RIMBP2: variants seen among roughly 807,000 people sequenced by gnomAD.
The protein encoded by RIMBP2 is RIMS-binding protein 2.
Under a neutral mutation model 118.6 loss-of-function variants are expected in RIMBP2, and 48 were observed. That is an observed-to-expected ratio of 0.40 (90% CI 0.32 to 0.51). The LOEUF (loss-of-function observed/expected upper bound fraction) is 0.51. Among genes scored for constraint, RIMBP2 ranks in the 20% least tolerant of loss-of-function variants. The probability of loss-of-function intolerance (pLI) is 0.41; values close to 1 mark genes in which losing one functional copy is unlikely to be tolerated. For missense variants in RIMBP2, 1,551 were observed against 1,768.3 expected (o/e 0.88, Z 2.20); for synonymous variants, 762 against 742.9 (o/e 1.03, Z -0.42).
At chr12:130,545,418 A>T in intron 2 of RIMBP2, among the ~76,000 whole-genome samples, 1 of 46,138 alleles carries the variant, frequency 2.2e-5, no homozygotes, top group East Asian at 2.9e-3. Flanking sequence ...GATAAATTAT[A>T]ACATTATAAA....
intron 3 of RIMBP2, among the ~76,000 whole-genome samples, chr12:130,510,264 T>G (rs975925427): frequency 4.6e-5 from 7 of 152,224 alleles, no homozygotes; most frequent in African/African-American, 9.6e-5. Context: ...GAGCTAAATT[T>G]AATACGGTAG....
chr12:130,564,427 T>G (rs1447712953), intron 2 of RIMBP2, among the ~76,000 whole-genome samples: 1 of 152,148 alleles, frequency 6.6e-6, no homozygotes, highest in Non-Finnish European at 1.5e-5. Context: ...AACATACAAT[T>G]AACTATTTTA....
At chr12:130,666,678 G>A (rs188536407) in intron 1 of RIMBP2, among the ~76,000 whole-genome samples, 6 of 149,948 alleles carry the variant, frequency 4.0e-5, no homozygotes, top group Non-Finnish European at 7.4e-5. Flanking sequence ...GAGGAAAGAG[G>A]GAAGGACAAG....
chr12:130,642,482 G>T (rs537754223), intron 1 of RIMBP2, among the ~76,000 whole-genome samples: 2 of 152,020 alleles, frequency 1.3e-5, no homozygotes, highest in African/African-American at 4.8e-5. Context: ...ACGGGGTGTC[G>T]CCATGTTGGC....
rs1303395492 is a variant in RIMBP2 at position 130,456,788 on chromosome 12, CACATGTGCACTGTGTGCACGTGTGT to C, written c.154-113_154-89del. 5 of 1,000,764 alleles carry C rather than the reference CACATGTGCACTGTGTGCACGTGTGT, an allele frequency of 5.0e-6. No individual in the cohort carries two copies. In the African/African-American group the frequency reaches 8.0e-5, roughly 16 times the overall value. The allele number at this position is 1,000,764 out of a possible 1,614,324, so 62.0% of individuals were successfully genotyped here. Reference sequence around the variant, plus strand: ...CCTGTTCACATGTGTTGTACGTGTGCACATGTGCACTGTGTGCACGTGTGTACACACGTGTTGTGTCTGTGAAAAT... The same window carrying C: ...CCTGTTCACATGTGTTGTACGTGTGCACACACGTGTTGTGTCTGTGAAAAT... On this transcript the variant is annotated intron_variant, in intron 6 of 22. Transcript: ENST00000690449.
chr12:130,591,846 C>A (rs1314371001), intron 2 of RIMBP2, among the ~76,000 whole-genome samples: 2 of 152,210 alleles, frequency 1.3e-5, no homozygotes, highest in Non-Finnish European at 2.9e-5. Context: ...ACCATCCAAC[C>A]CCAGATAGAG....
chr12:130,530,701 C>CT (rs1380400029), intron 2 of RIMBP2, among the ~76,000 whole-genome samples: 3 of 152,088 alleles, frequency 2.0e-5, no homozygotes, highest in Non-Finnish European at 2.9e-5. Context: ...ATTTGATTGC[C>CT]TTTTTTTAAA....
intron 1 of RIMBP2, among the ~76,000 whole-genome samples, chr12:130,663,394 T>C (rs1481759840): frequency 6.8e-6 from 1 of 148,104 alleles, no homozygotes; most frequent in African/African-American, 2.7e-5. Context: ...AAAATAGTGA[T>C]TTCAACTAGG....
At chr12:130,690,677 G>C (rs1245342828) in intron 1 of RIMBP2, among the ~76,000 whole-genome samples, 1 of 152,144 alleles carries the variant, frequency 6.6e-6, no homozygotes, top group Non-Finnish European at 1.5e-5. Flanking sequence ...CTAGCAGTGA[G>C]TCCACCAACT....
Position 130,576,698 on chromosome 12 carries a change from T to G in RIMBP2, c.-217+51624A>C, listed in dbSNP as rs531137792. Among the ~76,000 whole-genome samples the G allele has an allele frequency of 1.1e-4, 16 of 152,274 alleles. No homozygotes were observed. Among genetic ancestry groups the G allele is most frequent in the African/African-American group, 3.6e-4 (15 of 41,568 alleles). On this transcript the variant is annotated intron_variant, in intron 2 of 22. Transcript: ENST00000690449. The surrounding 1 kb of genome is among the most constrained non-coding windows in gnomAD (Gnocchi z 4.2). ...ACGGCAGGGAGTCCTTAGCACAAAC[T>G]GCCAGCAGCAGCGAGGAGGAGCCCC...
At chr12:130,514,937 C>T (rs1028914074) in intron 3 of RIMBP2, among the ~76,000 whole-genome samples, 3 of 152,026 alleles carry the variant, frequency 2.0e-5, no homozygotes, top group Non-Finnish European at 2.9e-5. Flanking sequence ...AGTGCAGTGG[C>T]GTGATCTCCG....
Position 130,614,650 on chromosome 12 carries a change from C to T in RIMBP2, c.-217+13672G>A, listed in dbSNP as rs367700613. ...ATGAAGATCTTTAGCATAGCAGTGACGGGGCAAAGAAAAAAGGGGAAATCT... is the reference window on the plus strand; with the variant it reads ...ATGAAGATCTTTAGCATAGCAGTGATGGGGCAAAGAAAAAAGGGGAAATCT... On this transcript the variant is annotated intron_variant, in intron 2 of 22. Coordinates refer to ENST00000690449, the MANE Select transcript of RIMBP2 (RefSeq NM_001393629.1). Among the ~76,000 whole-genome samples, 53 of 151,872 alleles carry T rather than the reference C, an allele frequency of 3.5e-4. 1 individual carries two copies. The highest frequency in any genetic ancestry group is 1.2e-3 in the African/African-American group (49 of 41,416).
chr12:130,493,608 C>G (rs1362943223), intron 4 of RIMBP2, among the ~76,000 whole-genome samples: 1 of 152,116 alleles, frequency 6.6e-6, no homozygotes, highest in Non-Finnish European at 1.5e-5. Flanking sequence ...AGCCACCATG[C>G]CCAGCCTGGT....
intron 2 of RIMBP2, among the ~76,000 whole-genome samples, chr12:130,587,201 A>C (rs2058947422): frequency 6.7e-6 from 1 of 149,580 alleles, no homozygotes; most frequent in African/African-American, 2.5e-5. Flanking sequence ...GAGGATGTGG[A>C]GAAATAGGAA....
intron 5 of RIMBP2, among the ~76,000 whole-genome samples, chr12:130,473,038 G>A (rs2081136064): frequency 6.6e-6 from 1 of 152,132 alleles, no homozygotes. Context: ...TTGAATCAAA[G>A]ATAGTTTTCA....
rs2277356 is a variant in RIMBP2, at chr12:130,428,212, C to T, written c.2379G>A (p.Arg793=). The T allele has an allele frequency of 0.17, 266,945 of 1,612,446 alleles. 27,686 individuals are homozygous for T. Among genetic ancestry groups the T allele is most frequent in the East Asian group, 0.43 (19,256 of 44,706 alleles). ...CATTGTGGGACGTGCCGCTGGGCCG[C>T]CTCCTTCCCCCATCTTCCAGCTGCA... The part of the protein sequence containing the change: ...SEMQLEDGGR[R]RPSGTSHNAL... Residue 793 remains arginine, a synonymous_variant, in exon 15 of 23, where the codon AGG becomes AGA. Coordinates refer to ENST00000690449, the MANE Select transcript of RIMBP2 (RefSeq NM_001393629.1).
intron 6 of RIMBP2, among the ~76,000 whole-genome samples, chr12:130,458,502 T>G (rs1184687482): frequency 1.3e-5 from 2 of 152,094 alleles, no homozygotes; most frequent in Admixed American, 1.3e-4. Flanking sequence ...TGACGGGCCC[T>G]GCAGGGCAGC....
At chr12:130,584,740 T>TCATCACTATCACAACCATTA (rs1162550659) in intron 2 of RIMBP2, among the ~76,000 whole-genome samples, 33 of 118,298 alleles carry the variant, frequency 2.8e-4, no homozygotes, top group African/African-American at 1.3e-3. Flanking sequence ...AACCATTACA[T>TCATCACTATCACAACCATTA]CATCATCACT....
At chr12:130,491,656 A>G (rs558524456) in intron 4 of RIMBP2, among the ~76,000 whole-genome samples, 2 of 152,268 alleles carry the variant, frequency 1.3e-5, no homozygotes, top group South Asian at 2.1e-4. Flanking sequence ...AGGATTCCCA[A>G]AGGGAGTCTG....
Sources: gnomAD v4.1 joint callset for allele counts (sites outside exome capture counted in the v4.1 genomes callset) on GRCh38, gnomAD v4.1.1 for gene constraint, Gnocchi (gnomAD v3.1) non-coding constraint, MANE v1.5 for transcripts, NCBI Gene and HGNC (gene_info 2026-07-23, HGNC 2026-07-21) for gene names.